ATP2B2: variants seen among roughly 807,000 people sequenced by gnomAD.
ATP2B2 encodes the protein ATPase plasma membrane Ca2+ transporting 2, also known as plasma membrane calcium-transporting ATPase 2.
ATP2B2 carries 15 observed loss-of-function variants against 120.0 expected under a neutral mutation model. The ratio of observed to expected loss-of-function variants is 0.12; its 90% confidence interval spans 0.08 to 0.19. The LOEUF is 0.19. ATP2B2 is among the 10% of genes least tolerant of loss of function. ATP2B2 has a pLI of 1.00. For missense variants in ATP2B2, 1,045 were observed against 1,719.8 expected, an observed-to-expected ratio of 0.61 and a Z score of 6.94; for synonymous variants, 694 against 700.3, an observed-to-expected ratio of 0.99 and a Z score of 0.14.
intron 2 of ATP2B2, among the ~76,000 whole-genome samples, chr3:10,547,155 G>A (rs532628216): frequency 3.9e-5 from 6 of 152,198 alleles, no homozygotes; most frequent in South Asian, 2.1e-4. Flanking sequence ...GGTCAAGGGC[G>A]GGGGCAAAGA....
intron 2 of ATP2B2, among the ~76,000 whole-genome samples, chr3:10,433,223 G>A (rs1280777709): frequency 6.6e-6 from 1 of 152,176 alleles, no homozygotes; most frequent in Non-Finnish European, 1.5e-5. Flanking sequence ...GTTTGCCTCT[G>A]TAGGAATTTT....
At chr3:10,344,054 C>T (rs990742806) in intron 18 of ATP2B2, among the ~76,000 whole-genome samples, 9 of 152,096 alleles carry the variant, frequency 5.9e-5, no homozygotes, top group Non-Finnish European at 1.3e-4. Context: ...TTCATCACAG[C>T]CCCTGCTCCT....
At chr3:10,400,299 G>C (rs2062175162) in intron 5 of ATP2B2, among the ~76,000 whole-genome samples, 1 of 152,188 alleles carries the variant, frequency 6.6e-6, no homozygotes, top group Non-Finnish European at 1.5e-5. Flanking sequence ...CTGACCTGTG[G>C]CCTCTCCACT....
At position 10,350,003 on chromosome 3, in the gene ATP2B2, G is replaced by A; in HGVS notation, c.2404+109C>T. ...TGTGCCCAGGTGTGGAGAGTCAGGGGCGAGGGGCCCTTCCCTTCTGGGAAG... is the reference window on the plus strand; with the variant it reads ...TGTGCCCAGGTGTGGAGAGTCAGGGACGAGGGGCCCTTCCCTTCTGGGAAG... On this transcript the variant is annotated intron_variant, in intron 16 of 22. Transcript: ENST00000360273. 5 of 1,141,826 alleles carry A rather than the reference G, an allele frequency of 4.4e-6. 1 individual carries two copies. In the South Asian group the frequency reaches 5.5e-5, roughly 12 times the overall value. 70.7% of individuals were successfully genotyped at this position (1,141,826 alleles called of 1,614,324 possible).
chr3:10,331,974 A>T, intron 22 of ATP2B2: 1 of 1,549,410 alleles, frequency 6.5e-7, no homozygotes, highest in Admixed American at 2.0e-5. Flanking sequence ...AAGGTTAAAG[A>T]CTCACAACCT....
At chr3:10,525,896 T>C (rs1194810718) in intron 3 of ATP2B2, among the ~76,000 whole-genome samples, 1 of 152,182 alleles carries the variant, frequency 6.6e-6, no homozygotes, top group Non-Finnish European at 1.5e-5. Context: ...TTCTCTGTCA[T>C]TGTTTTGTAT....
chr3:10,419,527 T>A (rs1392481926), intron 2 of ATP2B2, among the ~76,000 whole-genome samples: 5 of 152,216 alleles, frequency 3.3e-5, no homozygotes, highest in Non-Finnish European at 5.9e-5. Context: ...AGCCATAACA[T>A]GCCCCTACCT....
At chr3:10,537,584 T>C (rs540001878) in intron 2 of ATP2B2, among the ~76,000 whole-genome samples, 1 of 152,288 alleles carries the variant, frequency 6.6e-6, no homozygotes, top group African/African-American at 2.4e-5. Context: ...GAGGTTTGTG[T>C]TTTTAGATTC....
intron 1 of ATP2B2, among the ~76,000 whole-genome samples, chr3:10,666,289 G>A (rs368738074): frequency 3.2e-3 from 487 of 152,246 alleles, no homozygotes; most frequent in African/African-American, 5.7e-3. Context: ...GAGTGGGCAC[G>A]GGCAGCAACT....
chr3:10,349,989 G>T, intron 16 of ATP2B2, 123 bp downstream of exon 16: 1 of 967,514 alleles, frequency 1.0e-6, no homozygotes, highest in Non-Finnish European at 1.6e-6. Flanking sequence ...GTGCCCAGGT[G>T]TGGAGAGTCA....
chr3:10,505,871 C>T (rs193029498), upstream of ATP2B2, among the ~76,000 whole-genome samples: 1 of 151,898 alleles, frequency 6.6e-6, no homozygotes, highest in African/African-American at 2.4e-5. Context: ...CATGAGGAAC[C>T]GAAGCTGGCA....
rs567288637 is a variant in ATP2B2, at chr3:10,662,537, A to G, written c.-459-42576T>C. Reference sequence around the variant, plus strand: ...CAGAGAAATGCAAATCAAAACCACAATGAGATGCCATCTCACACCAGTTAG... The same window carrying G: ...CAGAGAAATGCAAATCAAAACCACAGTGAGATGCCATCTCACACCAGTTAG... On this transcript the variant is annotated intron_variant, in intron 1 of 21. Transcript: ENST00000646379. Among the ~76,000 whole-genome samples, 6 of 141,954 alleles carry G rather than the reference A, an allele frequency of 4.2e-5. No individual in the cohort carries two copies. The South Asian group carries it at 1.1e-3, about 26-fold the overall frequency. 93.1% of individuals were successfully genotyped at this position (141,954 alleles called of 152,430 possible).
At chr3:10,444,121 G>A (rs559125301) in intron 2 of ATP2B2, among the ~76,000 whole-genome samples, 2 of 152,332 alleles carry the variant, frequency 1.3e-5, no homozygotes, top group Admixed American at 6.5e-5. Context: ...AGCATGGGCC[G>A]CTTCACATGA....
chr3:10,538,937 T>C (rs1304696161), intron 2 of ATP2B2, among the ~76,000 whole-genome samples: 1 of 152,192 alleles, frequency 6.6e-6, no homozygotes, highest in African/African-American at 2.4e-5. Context: ...AGTCAAATTG[T>C]CCCTGTTTGC....
At chr3:10,492,580 TG>T (rs2065974372) in intron 1 of ATP2B2, among the ~76,000 whole-genome samples, 1 of 152,182 alleles carries the variant, frequency 6.6e-6, no homozygotes, top group Non-Finnish European at 1.5e-5. Flanking sequence ...CTGTCTGCAC[TG>T]GCCCTCTCCC....
At chr3:10,451,316 T>A (rs2064039459) in intron 1 of ATP2B2, among the ~76,000 whole-genome samples, 1 of 152,120 alleles carries the variant, frequency 6.6e-6, no homozygotes, top group Non-Finnish European at 1.5e-5. Flanking sequence ...GAACACAGTA[T>A]CTGGCATTGG....
chr3:10,367,788 G>T (rs374584174), intron 12 of ATP2B2, among the ~76,000 whole-genome samples: 20 of 152,350 alleles, frequency 1.3e-4, no homozygotes, highest in African/African-American at 4.8e-4. Context: ...ACGCATTGGG[G>T]TGTGGTGTCA....
intron 2 of ATP2B2, among the ~76,000 whole-genome samples, chr3:10,556,560 C>T (rs9841633): frequency 0.055 from 8,336 of 152,132 alleles, 382 homozygotes; most frequent in African/African-American, 0.13. Context: ...TAAGCACAGA[C>T]TAGAGTGAGC....
chr3:10,541,899 C>T (rs1204232486), intron 2 of ATP2B2, among the ~76,000 whole-genome samples: 3 of 152,118 alleles, frequency 2.0e-5, no homozygotes, highest in Non-Finnish European at 4.4e-5. Flanking sequence ...TCACTCCTAT[C>T]AGTTTTTGCC....
Sources: gnomAD v4.1 joint callset for allele counts (sites outside exome capture counted in the v4.1 genomes callset) on GRCh38, gnomAD v4.1.1 for gene constraint, MANE v1.5 for transcripts, NCBI Gene and HGNC (gene_info 2026-07-23, HGNC 2026-07-21) for gene names.